The following GRID2 variants were observed in gnomAD, a reference collection of about 807,000 sequenced individuals.
GRID2 encodes the protein glutamate receptor ionotropic, delta-2.
A neutral mutation model predicts 114.8 loss-of-function variants in GRID2; 33 were observed. The ratio of observed to expected loss-of-function variants is 0.29; its 90% CI spans 0.22 to 0.38. The LOEUF (loss-of-function observed/expected upper bound fraction) is 0.38. GRID2 is among the 10% of genes least tolerant of loss of function. GRID2 has a pLI of 1.00. For missense variants in GRID2, 1,184 were observed against 1,257.7 expected, an observed-to-expected ratio of 0.94 and a Z score of 0.89; for synonymous variants, 505 against 449.9, an observed-to-expected ratio of 1.12 and a Z score of -1.55.
chr4:93,589,292 A>T (rs1289397350), intron 13 of GRID2, among the ~76,000 whole-genome samples: 1 of 148,468 alleles, frequency 6.7e-6, no homozygotes, highest in Non-Finnish European at 1.5e-5. Flanking sequence ...ATGAGTGAGA[A>T]TATGTGGTGT....
intron 2 of GRID2, among the ~76,000 whole-genome samples, chr4:92,997,557 A>C (rs1237714581): frequency 6.6e-6 from 1 of 152,120 alleles, no homozygotes; most frequent in East Asian, 1.9e-4. Flanking sequence ...CACATCCTTA[A>C]CCTCAGGTAG....
chr4:92,809,440 T>G (rs1489565914), intron 2 of GRID2, among the ~76,000 whole-genome samples: 1 of 151,974 alleles, frequency 6.6e-6, no homozygotes, highest in East Asian at 1.9e-4. Context: ...ATACAGTTAG[T>G]GATTGCAGTT....
At chr4:93,616,676 T>C (rs539623082) in intron 13 of GRID2, among the ~76,000 whole-genome samples, 235 of 150,730 alleles carry the variant, frequency 1.6e-3, no homozygotes, top group Non-Finnish European at 2.5e-3. Flanking sequence ...ACACTTGCAA[T>C]GTCTATAGAA....
At chr4:93,377,324 T>A (rs892180336) in intron 8 of GRID2, among the ~76,000 whole-genome samples, 10 of 152,158 alleles carry the variant, frequency 6.6e-5, no homozygotes, top group African/African-American at 2.2e-4. Context: ...AAAGAAGATA[T>A]GTCTTTTTAG....
At chr4:93,545,330 G>A (rs924478290) in intron 13 of GRID2, among the ~76,000 whole-genome samples, 4 of 152,146 alleles carry the variant, frequency 2.6e-5, no homozygotes, top group African/African-American at 7.2e-5. Flanking sequence ...TGTATATGAC[G>A]TTGTACTGCT....
intron 1 of GRID2, among the ~76,000 whole-genome samples, chr4:92,508,513 T>C (rs1357052805): frequency 6.6e-6 from 1 of 151,906 alleles, no homozygotes; most frequent in Non-Finnish European, 1.5e-5. Context: ...ACTGAGGAAG[T>C]GGCATTCAGT....
intron 2 of GRID2, among the ~76,000 whole-genome samples, chr4:92,889,792 A>G (rs1240283326): frequency 6.6e-6 from 1 of 152,214 alleles, no homozygotes; most frequent in Non-Finnish European, 1.5e-5. Context: ...GAACCAAAAA[A>G]GAGCCCATAT....
chr4:93,586,424 CT>C (rs2149603123), intron 13 of GRID2, among the ~76,000 whole-genome samples: 1 of 152,240 alleles, frequency 6.6e-6, no homozygotes, highest in South Asian at 2.1e-4. Context: ...ATGAGTACCC[CT>C]CTGCCATTAA....
At chr4:92,616,070 C>T (rs1244351493) in intron 2 of GRID2, among the ~76,000 whole-genome samples, 2 of 151,442 alleles carry the variant, frequency 1.3e-5, no homozygotes, top group East Asian at 3.9e-4. Context: ...TTATCTTTTC[C>T]ATTTCTTTCA....
chr4:93,363,210 C>T (rs564310402), intron 8 of GRID2, among the ~76,000 whole-genome samples: 5 of 152,264 alleles, frequency 3.3e-5, no homozygotes, highest in South Asian at 2.1e-4. Flanking sequence ...GAGTGAGACC[C>T]TGTCTCAAAC....
At chr4:93,332,214 CCACT>C (rs1758537833) in intron 8 of GRID2, among the ~76,000 whole-genome samples, 1 of 150,174 alleles carries the variant, frequency 6.7e-6, no homozygotes, top group South Asian at 2.1e-4. Flanking sequence ...ACAATTAGGC[CCACT>C]CAAAGATAAG....
chr4:92,879,107 G>A (rs376085937), intron 2 of GRID2, among the ~76,000 whole-genome samples: 31 of 151,950 alleles, frequency 2.0e-4, no homozygotes, highest in South Asian at 6.2e-4. Flanking sequence ...TTTCAATTTC[G>A]TTTAATGCAA....
intron 1 of GRID2, among the ~76,000 whole-genome samples, chr4:93,786,217 G>A (rs1734589495): frequency 6.6e-6 from 1 of 152,156 alleles, no homozygotes; most frequent in African/African-American, 2.4e-5. Flanking sequence ...TGAGAACAGT[G>A]TTCAGAATGG....
chr4:93,331,925 T>G (rs1435278513), intron 8 of GRID2, among the ~76,000 whole-genome samples: 1 of 152,116 alleles, frequency 6.6e-6, no homozygotes, highest in Non-Finnish European at 1.5e-5. Flanking sequence ...GCTATTAGTT[T>G]CTATAAAATT....
intron 10 of GRID2, among the ~76,000 whole-genome samples, chr4:93,424,885 T>C (rs1768685210): frequency 6.6e-6 from 1 of 152,186 alleles, no homozygotes; most frequent in African/African-American, 2.4e-5. Flanking sequence ...ACCTTCAGAT[T>C]TGACAATTTG....
At chr4:93,023,332 A>T (rs1578778898) in intron 2 of GRID2, among the ~76,000 whole-genome samples, 1 of 151,986 alleles carries the variant, frequency 6.6e-6, no homozygotes, top group Non-Finnish European at 1.5e-5. Context: ...GAAATATTTC[A>T]AGAAAAAAAT....
intron 1 of GRID2, among the ~76,000 whole-genome samples, chr4:92,469,183 C>CT (rs1560651476): frequency 6.6e-6 from 1 of 152,092 alleles, no homozygotes; most frequent in African/African-American, 2.4e-5. Context: ...TCAAAGAAAA[C>CT]TTTCTTTTTG....
At chr4:92,820,779 T>A (rs1741232500) in intron 2 of GRID2, among the ~76,000 whole-genome samples, 1 of 152,224 alleles carries the variant, frequency 6.6e-6, no homozygotes, top group African/African-American at 2.4e-5. Flanking sequence ...TTCTATTAAT[T>A]TCAGGTTCAA....
At chr4:92,629,580 C>T (rs1041564852) in intron 2 of GRID2, among the ~76,000 whole-genome samples, 2 of 151,910 alleles carry the variant, frequency 1.3e-5, no homozygotes, top group African/African-American at 4.8e-5. Flanking sequence ...AATTTCTTTT[C>T]CTCAAATAGC....
Sources: allele counts gnomAD v4.1 joint callset (sites outside exome capture counted in the v4.1 genomes callset), GRCh38; gene constraint gnomAD v4.1.1; transcripts MANE v1.5; gene names NCBI Gene and HGNC (gene_info 2026-07-23, HGNC 2026-07-21).